The following SIL1 variants were observed in gnomAD, a reference collection of about 807,000 sequenced individuals.
SIL1 encodes the protein SIL1 nucleotide exchange factor, also known as nucleotide exchange factor SIL1.
A neutral mutation model predicts 49.1 loss-of-function variants in SIL1; 40 were observed. The ratio of observed to expected loss-of-function variants is 0.81; its 90% CI spans 0.63 to 1.06. The LOEUF (loss-of-function observed/expected upper bound fraction) is 1.06. Among genes scored for constraint, SIL1 ranks in the 50% least tolerant of loss-of-function variants. The pLI is 0.00. For synonymous variants in SIL1, 253 were observed against 250.8 expected (o/e 1.01, Z -0.08); for missense variants, 500 against 572.6 (o/e 0.87, Z 1.29).
At chr5:138,955,606 G>A (rs767953722) in intron 7 of SIL1, among the ~76,000 whole-genome samples, 4 of 152,340 alleles carry the variant, frequency 2.6e-5, no homozygotes, top group South Asian at 4.1e-4. Flanking sequence ...AGCCCAGCTC[G>A]GCCAGGGGGC....
chr5:139,109,774 CTCTG>C (rs1384435871), intron 3 of SIL1, among the ~76,000 whole-genome samples: 16 of 146,236 alleles, frequency 1.1e-4, no homozygotes, highest in African/African-American at 3.8e-4. Context: ...CCTATTTCCC[CTCTG>C]TCTTTTTTTT....
chr5:139,108,733 T>C (rs770049326), intron 3 of SIL1, among the ~76,000 whole-genome samples: 1 of 152,190 alleles, frequency 6.6e-6, no homozygotes, highest in Non-Finnish European at 1.5e-5. Flanking sequence ...ATTTCTTTGA[T>C]GCTAGCAGAA....
intron 1 of SIL1, among the ~76,000 whole-genome samples, chr5:139,186,252 A>G (rs1451586200): frequency 2.0e-5 from 3 of 152,234 alleles, no homozygotes; most frequent in Non-Finnish European, 4.4e-5. Flanking sequence ...TAGATGTTCT[A>G]CAGGGCCGAA....
chr5:139,030,046 G>C (rs962007459), intron 5 of SIL1, among the ~76,000 whole-genome samples: 4 of 151,678 alleles, frequency 2.6e-5, no homozygotes, highest in Admixed American at 2.6e-4. Context: ...ACGAGATTAG[G>C]TTATAATTAG....
intron 7 of SIL1, among the ~76,000 whole-genome samples, chr5:138,993,506 G>C (rs1001943458): frequency 6.6e-6 from 1 of 152,202 alleles, no homozygotes; most frequent in Non-Finnish European, 1.5e-5. Flanking sequence ...GTGGGAATAT[G>C]ACATGCTTCC....
chr5:138,967,340 G>A (rs1274478667), intron 7 of SIL1, among the ~76,000 whole-genome samples: 2 of 152,206 alleles, frequency 1.3e-5, no homozygotes, highest in Non-Finnish European at 2.9e-5. Context: ...ATTTTAACAA[G>A]GCTTCCAGGT....
At chr5:139,156,141 C>T (rs1055001416) in intron 1 of SIL1, among the ~76,000 whole-genome samples, 12 of 152,186 alleles carry the variant, frequency 7.9e-5, no homozygotes, top group African/African-American at 2.7e-4. Context: ...TATATGTTTA[C>T]GTAATAATAA....
chr5:139,165,637 ATGTC>A (rs1236381244), intron 1 of SIL1, among the ~76,000 whole-genome samples: 2 of 151,160 alleles, frequency 1.3e-5, no homozygotes, highest in Non-Finnish European at 3.0e-5. Flanking sequence ...GGCCAAACCA[ATGTC>A]TGTCTTTTTT....
intron 4 of SIL1, among the ~76,000 whole-genome samples, chr5:139,050,107 C>T (rs6882583): frequency 0.43 from 65,745 of 152,012 alleles, 15,354 homozygotes; most frequent in African/African-American, 0.63. Context: ...TCATGAAATA[C>T]TACCTTTTGA....
At chr5:139,164,481 CCA>C (rs1751578014) in intron 1 of SIL1, among the ~76,000 whole-genome samples, 4 of 152,270 alleles carry the variant, frequency 2.6e-5, no homozygotes, top group African/African-American at 7.2e-5. Context: ...AAACCCAACC[CCA>C]CTGTCCCCAT....
intron 5 of SIL1, among the ~76,000 whole-genome samples, chr5:139,039,326 A>G (rs1167083949): frequency 1.3e-5 from 2 of 152,208 alleles, no homozygotes; most frequent in East Asian, 3.9e-4. Context: ...GCAGAAATCC[A>G]GACTCCCCAC....
At chr5:139,027,841 C>A (rs1321654818) in intron 5 of SIL1, among the ~76,000 whole-genome samples, 1 of 152,158 alleles carries the variant, frequency 6.6e-6, no homozygotes, top group Non-Finnish European at 1.5e-5. Flanking sequence ...GGATGATGAA[C>A]AGCTGTCAGC....
rs965970454 is a variant in SIL1, at chr5:138,966,633, A to C, written c.768-14749T>G. Among the ~76,000 whole-genome samples the C allele has an allele frequency of 2.0e-5, 3 of 151,930 alleles. No individual in the cohort carries two copies. The South Asian group carries it at 6.2e-4, about 32-fold the overall frequency. ...GAAATGCCAAAAACAAACAAAACAA[A>C]AAACCCGCAGCCCCTCATCGCCATG... On this transcript the variant is annotated intron_variant, in intron 7 of 9. Coordinates refer to ENST00000394817, the MANE Select transcript of SIL1 (RefSeq NM_022464.5).
In SIL1 at chr5:139,194,481, G is replaced by C. The variant is rs183739886; in HGVS notation, c.-11+3788C>G. 5.7e-3 allele frequency among the ~76,000 whole-genome samples: 866 copies of C among 152,288 alleles called. 5 individuals carry two copies. The highest frequency in any genetic ancestry group is 0.02 in the African/African-American group (824 of 41,560). ...GCATGCTATTCCGTCTTTAGTCTAC[G>C]TATAATTAAAATACAAGACTCTCTG... is the stretch of plus-strand genomic sequence containing the variant. On this transcript the variant is annotated intron_variant, in intron 1 of 9. Transcript: ENST00000394817.
chr5:138,969,084 T>TTA (rs1441635208), intron 7 of SIL1, among the ~76,000 whole-genome samples: 3 of 152,092 alleles, frequency 2.0e-5, no homozygotes, highest in Non-Finnish European at 4.4e-5. Flanking sequence ...AAAGAGAAGT[T>TTA]TATATATATA....
intron 7 of SIL1, among the ~76,000 whole-genome samples, chr5:138,975,817 C>G (rs1419022604): frequency 6.6e-6 from 1 of 152,236 alleles, no homozygotes; most frequent in Non-Finnish European, 1.5e-5. Flanking sequence ...CTGGCACCAA[C>G]CAGCCAGGCG....
At chr5:139,071,010 G>A (rs531510734) in intron 3 of SIL1, among the ~76,000 whole-genome samples, 5 of 152,160 alleles carry the variant, frequency 3.3e-5, no homozygotes, top group African/African-American at 1.2e-4. Context: ...TAATGAAAGA[G>A]CACAAAACTG....
At chr5:139,062,478 A>G (rs1274340718) in intron 3 of SIL1, among the ~76,000 whole-genome samples, 1 of 152,078 alleles carries the variant, frequency 6.6e-6, no homozygotes, top group Non-Finnish European at 1.5e-5. Flanking sequence ...CTCAGAAAAA[A>G]AGACGCCAGT....
At chr5:139,162,562 C>T (rs1473903818) in intron 1 of SIL1, among the ~76,000 whole-genome samples, 1 of 152,136 alleles carries the variant, frequency 6.6e-6, no homozygotes, top group Non-Finnish European at 1.5e-5. Flanking sequence ...AGTGGAGGAG[C>T]ACAATAGTTA....
Sources: allele counts gnomAD v4.1 joint callset (sites outside exome capture counted in the v4.1 genomes callset), GRCh38; gene constraint gnomAD v4.1.1; transcripts MANE v1.5; gene names NCBI Gene and HGNC (gene_info 2026-07-23, HGNC 2026-07-21).